Variants in TTC28 observed in about 807,000 individuals in gnomAD.
TTC28 encodes tetratricopeptide repeat domain 28.
In TTC28, 61 loss-of-function variants were observed where a neutral mutation model predicts 198.0. That is an observed-to-expected ratio of 0.31 (90% confidence interval 0.25 to 0.38). The LOEUF (loss-of-function observed/expected upper bound fraction) is 0.38. Ranked by LOEUF, TTC28 falls within the 10% of genes least tolerant of loss-of-function variation. The probability of loss-of-function intolerance (pLI) is 1.00; values close to 1 mark genes in which losing one functional copy is unlikely to be tolerated. For missense variants in TTC28, 2,678 were observed against 3,164.0 expected (o/e 0.85, Z 3.69); for synonymous variants, 1,171 against 1,297.8 (o/e 0.90, Z 2.10).
rs34398046 is a variant in TTC28, at chr22:28,199,383, T to TTATATATATA, written c.934-35794_934-35785dup. 5.7e-3 allele frequency among the ~76,000 whole-genome samples: 673 copies of TTATATATATA among 118,340 alleles called. 7 individuals are homozygous for TTATATATATA. The highest frequency in any genetic ancestry group is 7.2e-3 in the Non-Finnish European group (419 of 58,516). The allele number at this position is 118,340 out of a possible 152,430, so 77.6% of individuals were successfully genotyped here. On this transcript the variant is annotated intron_variant, in intron 5 of 22. Coordinates refer to ENST00000397906, the MANE Select transcript of TTC28 (RefSeq NM_001145418.2). Reference sequence around the variant, plus strand: ...AGTATAATGCCACTTACATTAAAAATTATATATATATATATATATATATAT... The same window carrying TTATATATATA: ...AGTATAATGCCACTTACATTAAAAATTATATATATATATATATATATATATATATATATAT...
intron 2 of TTC28, among the ~76,000 whole-genome samples, chr22:28,388,886 G>T (rs2046664329): frequency 6.6e-6 from 1 of 152,184 alleles, no homozygotes; most frequent in Non-Finnish European, 1.5e-5. Flanking sequence ...ATGTTGACTA[G>T]GAGTGGTGAG....
intron 2 of TTC28, among the ~76,000 whole-genome samples, chr22:28,591,688 CT>C: frequency 6.6e-6 from 1 of 152,266 alleles, no homozygotes. Context: ...GTAGTAAAAC[CT>C]CAAAACCATG....
In TTC28 at chr22:28,105,526, G is replaced by A. The variant is rs1045832558; in HGVS notation, c.3060C>T (p.His1020=). The A allele has an allele frequency of 1.9e-5, 29 of 1,551,546 alleles. No homozygotes were observed. Among genetic ancestry groups the A allele is most frequent in the Non-Finnish European group, 2.4e-5 (27 of 1,147,000 alleles). The change falls in exon 8 of 23, where the codon CAC becomes CAT. Residue 1020 remains histidine (H), a synonymous_variant. Coordinates refer to ENST00000397906, the MANE Select transcript of TTC28 (RefSeq NM_001145418.2). ...CCTCTGCTATCTGTAGATCAAGCTG[G>A]TGGTACTGCAGGGCTGTGTCATACT... ...MGEYDTALQY[H]QLDLQIAEET... is the part of the protein sequence containing the mutation.
At chr22:28,316,387 C>G (rs187447066) in intron 2 of TTC28, among the ~76,000 whole-genome samples, 1 of 152,090 alleles carries the variant, frequency 6.6e-6, no homozygotes, top group Non-Finnish European at 1.5e-5. Context: ...TATGATGCAT[C>G]CAACTTTTTC....
intron 2 of TTC28, among the ~76,000 whole-genome samples, chr22:28,408,811 T>A (rs1347072149): frequency 1.3e-5 from 2 of 152,174 alleles, no homozygotes; most frequent in Non-Finnish European, 2.9e-5. Flanking sequence ...TTCGAATGAG[T>A]CTTGAACTAC....
rs567161676 is a variant in TTC28, at chr22:28,038,333, G to T, written c.3933-7967C>A. On this transcript the variant is annotated intron_variant, in intron 12 of 22. Transcript: ENST00000397906. ...TACCAAAACAGAGATATAGACCAAT[G>T]GAACAGAACAGAGCCCTCAGAAATA... Among the ~76,000 whole-genome samples the T allele has an allele frequency of 2.0e-5, 3 of 152,256 alleles. No homozygotes were observed. The South Asian group carries it at 6.2e-4, about 32-fold the overall frequency.
chr22:28,633,832 A>C (rs2051220336), intron 1 of TTC28, among the ~76,000 whole-genome samples: 1 of 152,332 alleles, frequency 6.6e-6, no homozygotes, highest in East Asian at 1.9e-4. Context: ...TTAGTGAAAT[A>C]TCTCTCACAG....
intron 2 of TTC28, among the ~76,000 whole-genome samples, chr22:28,555,917 T>C (rs2049778030): frequency 6.6e-6 from 1 of 152,204 alleles, no homozygotes; most frequent in Non-Finnish European, 1.5e-5. Context: ...CAGATAATTC[T>C]TATTTACATT....
intron 5 of TTC28, among the ~76,000 whole-genome samples, chr22:28,243,355 TCAAAACAAAA>T (rs377564604): frequency 0.016 from 2,463 of 150,752 alleles, 91 homozygotes; most frequent in African/African-American, 0.057. Flanking sequence ...AGACCCCGTC[TCAAAACAAAA>T]CAAAACAAAA....
At chr22:28,432,243 G>A (rs2047442541) in intron 2 of TTC28, among the ~76,000 whole-genome samples, 1 of 151,536 alleles carries the variant, frequency 6.6e-6, no homozygotes, top group African/African-American at 2.4e-5. Flanking sequence ...CCGAGATCAC[G>A]CCACTGCACT....
At chr22:28,404,968 G>A (rs184927154) in intron 2 of TTC28, among the ~76,000 whole-genome samples, 2 of 149,778 alleles carry the variant, frequency 1.3e-5, no homozygotes, top group African/African-American at 2.4e-5. Flanking sequence ...TTGCCCATTG[G>A]TTCACTATTT....
intron 5 of TTC28, among the ~76,000 whole-genome samples, chr22:28,192,035 C>T (rs1017946603): frequency 3.9e-5 from 6 of 152,172 alleles, no homozygotes; most frequent in Admixed American, 1.3e-4. Flanking sequence ...TGGGAGGCAC[C>T]CCCCAGTAGG....
rs141394436 is a variant in TTC28, at chr22:28,558,837, C to T, written c.381+70715G>A. On this transcript the variant is annotated intron_variant, in intron 2 of 22. Transcript: ENST00000397906. ...CCTGAGGTCAGGAGATCAAAACAGA[C>T]CAGCCTGGCCAACATGGCAAAACCC... is the stretch of plus-strand genomic sequence containing the variant. Among the ~76,000 whole-genome samples the T allele has an allele frequency of 2.2e-3, 330 of 152,214 alleles. 2 individuals are homozygous for T. Among genetic ancestry groups the T allele is most frequent in the African/African-American group, 7.7e-3 (321 of 41,530 alleles).
chr22:28,092,120 C>T (rs564792672), intron 12 of TTC28, among the ~76,000 whole-genome samples: 1 of 152,294 alleles, frequency 6.6e-6, no homozygotes, highest in African/African-American at 2.4e-5. Flanking sequence ...TTTGGTTGCT[C>T]ATGTAAATAT....
At chr22:28,243,117 T>A (rs1467628172) in intron 5 of TTC28, among the ~76,000 whole-genome samples, 3 of 136,468 alleles carry the variant, frequency 2.2e-5, no homozygotes, top group Non-Finnish European at 3.0e-5. Flanking sequence ...GCAAGTGGAT[T>A]GCTTGAGCCC....
chr22:27,992,347 A>C (rs964197676), intron 19 of TTC28: 6 of 556,258 alleles, frequency 1.1e-5, no homozygotes, highest in Non-Finnish European at 1.3e-5. Context: ...ACCTCCCATC[A>C]TGCCGGTAAG....
rs1418575698 is a variant in TTC28 at position 27,983,830 on chromosome 22, C to T, written c.5837G>A (p.Arg1946His). ...GGAGGAGGAGCTGTCAAGGCTGAGG[C>T]GCTTGGGTAGCTCAGTAGAATCTAA... ...SLFDSTELPK[R>H]LSLDSSSSLE... Residue 1946 changes from arginine to histidine, a missense_variant, in exon 23 of 23, where the codon CGC becomes CAC. Physicochemically the swap from Arg to His is conservative, Grantham distance 29. Coordinates refer to ENST00000397906, the MANE Select transcript of TTC28 (RefSeq NM_001145418.2). The T allele has an allele frequency of 8.4e-6, 13 of 1,551,414 alleles. No individual in the cohort carries two copies. Among genetic ancestry groups the T allele is most frequent in the Admixed American group, 5.9e-5 (3 of 50,958 alleles).
chr22:28,018,283 G>T, intron 13 of TTC28, among the ~76,000 whole-genome samples: 1 of 137,846 alleles, frequency 7.3e-6, no homozygotes, highest in African/African-American at 2.9e-5. Context: ...GTGTGTATGT[G>T]TGTGCGCGCG....
intron 5 of TTC28, among the ~76,000 whole-genome samples, chr22:28,249,324 C>T (rs182269428): frequency 5.6e-4 from 85 of 151,902 alleles, no homozygotes; most frequent in African/African-American, 1.8e-3. Flanking sequence ...GTATCTGGCA[C>T]GCAGGAAAAA....
Sources: gnomAD v4.1 joint callset for allele counts (sites outside exome capture counted in the v4.1 genomes callset) on GRCh38, gnomAD v4.1.1 for gene constraint, MANE v1.5 for transcripts, NCBI Gene and HGNC (gene_info 2026-07-23, HGNC 2026-07-21) for gene names.